Variants in PLEKHA8 observed in about 807,000 individuals in gnomAD.
PLEKHA8 encodes the protein pleckstrin homology domain containing A8, also known as pleckstrin homology domain-containing family A member 8.
Under a neutral mutation model 68.2 loss-of-function variants are expected in PLEKHA8, and 36 were observed. That is an observed-to-expected ratio of 0.53 (90% CI 0.40 to 0.70). The LOEUF (loss-of-function observed/expected upper bound fraction) is 0.70, where lower values mean the gene tolerates loss of function less well. Ranked by LOEUF, PLEKHA8 falls within the 30% of genes least tolerant of loss-of-function variation. The pLI, the probability that PLEKHA8 is intolerant of heterozygous loss-of-function variation, is 0.00. For missense variants in PLEKHA8, 505 were observed against 615.4 expected, an observed-to-expected ratio of 0.82 and a Z score of 1.90; for synonymous variants, 211 against 216.1, an observed-to-expected ratio of 0.98 and a Z score of 0.20.
rs960921944 is a variant in PLEKHA8 at position 30,038,955 on chromosome 7, G to A, written c.41-6130G>A. ...TTAGTGTAAAATTAACATGAGGTAT[G>A]CCAGTTTAGATCCAAATATAAGTGC... is the stretch of plus-strand genomic sequence containing the variant. On this transcript the variant is annotated intron_variant, in intron 1 of 13. Transcript: ENST00000449726. 2.0e-5 allele frequency among the ~76,000 whole-genome samples: 3 copies of A among 150,390 alleles called. No individual in the cohort carries two copies. In the East Asian group the frequency reaches 5.8e-4, roughly 29 times the overall value.
intron 13 of PLEKHA8, among the ~76,000 whole-genome samples, chr7:30,118,677 A>G (rs372130404): frequency 6.6e-6 from 1 of 151,174 alleles, no homozygotes; most frequent in African/African-American, 2.4e-5. Flanking sequence ...TGCCGGGTTC[A>G]TGCCATTCTC....
intron 12 of PLEKHA8, among the ~76,000 whole-genome samples, chr7:30,067,233 G>T (rs1793911813): frequency 6.6e-6 from 1 of 152,196 alleles, no homozygotes; most frequent in African/African-American, 2.4e-5. Flanking sequence ...GCTTTGGGAG[G>T]CCAAGGCAGG....
chr7:30,049,016 T>C (rs1287232531), intron 4 of PLEKHA8, among the ~76,000 whole-genome samples: 1 of 152,232 alleles, frequency 6.6e-6, no homozygotes, highest in Non-Finnish European at 1.5e-5. Flanking sequence ...TTTCAGCAGC[T>C]CCCTCATTGC....
intron 13 of PLEKHA8, among the ~76,000 whole-genome samples, chr7:30,128,089 GTATTTT>G (rs776280647): frequency 8.2e-6 from 1 of 121,588 alleles, no homozygotes; most frequent in Non-Finnish European, 1.7e-5. Flanking sequence ...GAGTTTTACT[GTATTTT>G]TTTTTTTTTT....
At chr7:30,041,894 G>A (rs546635131) in intron 1 of PLEKHA8, among the ~76,000 whole-genome samples, 1 of 152,120 alleles carries the variant, frequency 6.6e-6, no homozygotes, top group African/African-American at 2.4e-5. Flanking sequence ...TGTTTAATTG[G>A]TAGAGTTTTT....
intron 6 of PLEKHA8, chr7:30,050,935 A>G (rs62446680): frequency 0.15 from 22,459 of 152,308 alleles, 1,710 homozygotes; most frequent in Middle Eastern, 0.19. Flanking sequence ...TGCTCCTTCA[A>G]TTTTTAAGAT....
rs1491398291 is a variant in PLEKHA8, at chr7:30,128,111, T to TTTA, written c.1363-1155_1363-1154insTTA. 1.2e-3 allele frequency among the ~76,000 whole-genome samples: 155 copies of TTTA among 124,972 alleles called. 1 individual carries two copies. Among genetic ancestry groups the TTTA allele is most frequent in the African/African-American group, 4.3e-3 (150 of 35,190 alleles). The allele number at this position is 124,972 out of a possible 152,430, so 82.0% of individuals were successfully genotyped here. Reference sequence around the variant, plus strand: ...ACTGTATTTTTTTTTTTTTTTTTTTTACTTATTTATTTTGAGACAAGGTCT... The same window carrying TTTA: ...ACTGTATTTTTTTTTTTTTTTTTTTTTTAACTTATTTATTTTGAGACAAGGTCT... On this transcript the variant is annotated intron_variant, in intron 13 of 13. Transcript: ENST00000396257.
chr7:30,083,567 A>G lies in PLEKHA8; in HGVS notation c.*4780A>G, dbSNP rs1378961607. On this transcript the variant is annotated 3_prime_UTR_variant, in exon 14 of 14. Transcript: ENST00000449726. The stretch of plus-strand genomic sequence containing the variant: ...AGGGCATGATTAAACAGTCATTAAC[A>G]GTGCCTCTCTGGTACAGTTGATGCA... 3 of 985,310 alleles carry G rather than the reference A, an allele frequency of 3.0e-6. No homozygotes were observed. The highest frequency in any genetic ancestry group is 3.6e-6 in the Non-Finnish European group (3 of 829,942). The allele number at this position is 985,310 out of a possible 1,614,324, so 61.0% of individuals were successfully genotyped here.
At chr7:30,128,312 G>A (rs1463052018) in intron 13 of PLEKHA8, among the ~76,000 whole-genome samples, 1 of 151,958 alleles carries the variant, frequency 6.6e-6, no homozygotes, top group Admixed American at 6.6e-5. Flanking sequence ...TCACTATGTT[G>A]CCCAGCCTGG....
At chr7:30,065,079 ATGT>A (rs1793731292) in intron 12 of PLEKHA8, among the ~76,000 whole-genome samples, 1 of 152,066 alleles carries the variant, frequency 6.6e-6, no homozygotes, top group Non-Finnish European at 1.5e-5. Flanking sequence ...TTCTCATCAA[ATGT>A]TGTACTTGAT....
At chr7:30,086,617 A>G (rs949337198), downstream of PLEKHA8, among the ~76,000 whole-genome samples, 3 of 143,862 alleles carry the variant, frequency 2.1e-5, no homozygotes, top group African/African-American at 3.0e-5. Context: ...GCCACTTGCT[A>G]TTACTCCAGA....
Position 30,078,895 on chromosome 7 carries a change from G to T in PLEKHA8, c.*108G>T. ...CAACCCTCTCCAACCCCTTCACCTG[G>T]GGGGATGGACAGGAGGTGGCAAAAC... On this transcript the variant is annotated 3_prime_UTR_variant, in exon 14 of 14. Coordinates refer to ENST00000449726, the MANE Select transcript of PLEKHA8 (RefSeq NM_001197026.2). 2 of 1,458,978 alleles carry T rather than the reference G, an allele frequency of 1.4e-6. No homozygotes were observed. The highest frequency in any genetic ancestry group is 1.8e-6 in the Non-Finnish European group (2 of 1,107,206). The allele number at this position is 1,458,978 out of a possible 1,614,324, so 90.4% of individuals were successfully genotyped here. A position where few individuals can be genotyped will look rare whatever the true frequency, so the allele number is the denominator to read the frequency against.
chr7:30,117,853 A>T (rs1796615623), intron 13 of PLEKHA8: 1 of 511,882 alleles, frequency 2.0e-6, no homozygotes, highest in Non-Finnish European at 3.2e-6. Context: ...AAGATATTAG[A>T]AACAGAAGTA....
rs911624985 is a variant in PLEKHA8, at chr7:30,073,971, G to A, written c.1301-100G>A. 9.5e-6 allele frequency: 9 copies of A among 948,786 alleles called. No homozygotes were observed. The African/African-American group carries it at 1.4e-4, about 14-fold the overall frequency. 58.8% of individuals were successfully genotyped at this position (948,786 alleles called of 1,614,324 possible). ...ACTGTACTCTAGCCTAGGTGACAGA[G>A]CAAGACCCTGTCTCTTTAAAAAAAA... On this transcript the variant is annotated intron_variant, in intron 12 of 13. Coordinates refer to ENST00000449726, the MANE Select transcript of PLEKHA8 (RefSeq NM_001197026.2).
chr7:30,090,240 A>C, exon 13 of PLEKHA8: 1 of 1,534,522 alleles, frequency 6.5e-7, no homozygotes, highest in Non-Finnish European at 8.8e-7. Flanking sequence ...CTCACCATTC[A>C]GGCAGAAAAA....
At chr7:30,049,197 G>A in intron 4 of PLEKHA8, 27 bp from the exon 5 acceptor site, 1 of 1,613,162 alleles carries the variant, frequency 6.2e-7, no homozygotes, top group Non-Finnish European at 8.5e-7. Context: ...CAAGGTAAAG[G>A]AGTCTTCCAC....
rs1794216717 is a variant in PLEKHA8, at chr7:30,071,243, G to A, written c.1301-2828G>A. ...CCTTAGGTGGAAGATCAGAATCTTT[G>A]ACATGATGGATAAAGGTCCTCACAA... On this transcript the variant is annotated intron_variant, in intron 12 of 13. Transcript: ENST00000449726. 5.3e-5 allele frequency among the ~76,000 whole-genome samples: 8 copies of A among 152,128 alleles called. No homozygotes were observed. In the South Asian group the frequency reaches 1.7e-3, roughly 31 times the overall value.
chr7:30,119,497 C>T (rs1355630087), intron 13 of PLEKHA8, among the ~76,000 whole-genome samples: 1 of 152,142 alleles, frequency 6.6e-6, no homozygotes, highest in Non-Finnish European at 1.5e-5. Context: ...TAAGAAACTG[C>T]CGAGGACAGT....
chr7:30,071,252 G>C (rs933494403), intron 12 of PLEKHA8, among the ~76,000 whole-genome samples: 1 of 152,144 alleles, frequency 6.6e-6, no homozygotes, highest in African/African-American at 2.4e-5. Context: ...TGACATGATG[G>C]ATAAAGGTCC....
Sources: allele counts gnomAD v4.1 joint callset (sites outside exome capture counted in the v4.1 genomes callset), GRCh38; gene constraint gnomAD v4.1.1; transcripts MANE v1.5; gene names NCBI Gene and HGNC (gene_info 2026-07-23, HGNC 2026-07-21).